GABRG3: variants seen among roughly 807,000 people sequenced by gnomAD.
GABRG3 encodes the protein gamma-aminobutyric acid type A receptor subunit gamma3.
Under a neutral mutation model 48.8 loss-of-function variants are expected in GABRG3, and 25 were observed. That is an observed-to-expected ratio of 0.51 (90% CI 0.37 to 0.72). GABRG3 has a LOEUF of 0.72. GABRG3 is among the 30% of genes least tolerant of loss of function. The pLI, the probability that GABRG3 is intolerant of heterozygous loss-of-function variation, is 0.00. For synonymous variants in GABRG3, 227 were observed against 217.6 expected, an observed-to-expected ratio of 1.04 and a Z score of -0.38; for missense variants, 394 against 577.9, an observed-to-expected ratio of 0.68 and a Z score of 3.26.
At chr15:27,387,255 T>G (rs1210569533) in intron 5 of GABRG3, among the ~76,000 whole-genome samples, 2 of 54,252 alleles carry the variant, frequency 3.7e-5, no homozygotes, top group East Asian at 1.5e-3. Flanking sequence ...TAATTCACGT[T>G]TTTTTTTTTA....
chr15:27,499,521 A>G lies in GABRG3; in HGVS notation c.712+18734A>G, dbSNP rs1401358939. The stretch of plus-strand genomic sequence containing the variant: ...AGCAGCCAACTCCCTTTTGATATAA[A>G]GCTATTGTTTTAATGGAAATGTTTA... On this transcript the variant is annotated intron_variant, in intron 6 of 9. Transcript: ENST00000615808. Among the ~76,000 whole-genome samples the G allele has an allele frequency of 2.6e-5, 4 of 152,356 alleles. No individual in the cohort carries two copies. In the East Asian group the frequency reaches 7.7e-4, roughly 29 times the overall value.
chr15:27,236,705 G>A lies in GABRG3; in HGVS notation c.271-90104G>A, dbSNP rs1490958460. Among the ~76,000 whole-genome samples the A allele has an allele frequency of 4.6e-5, 7 of 152,132 alleles. No individual in the cohort carries two copies. The East Asian group carries it at 1.4e-3, about 29-fold the overall frequency. ...AGCCTAGGGAGGATGCACAGTGAGG[G>A]TTTCTTGTCCTCTGCTTCACCGTTT... On this transcript the variant is annotated intron_variant, in intron 3 of 9. Coordinates refer to ENST00000615808, the MANE Select transcript of GABRG3 (RefSeq NM_033223.5). The surrounding 1 kb of genome is among the most constrained non-coding windows in gnomAD (Gnocchi z 4.4).
chr15:27,003,621 T>A (rs1341401943), intron 2 of GABRG3, among the ~76,000 whole-genome samples: 4 of 152,172 alleles, frequency 2.6e-5, no homozygotes, highest in Admixed American at 1.3e-4. Flanking sequence ...CATGTATACT[T>A]CTTTCTACAC....
rs1268878931 is a variant in GABRG3 at position 27,534,584 on chromosome 15, T to A, written c.*1703T>A. ...AATTTGACCTAGAAACCGTAATTTT[T>A]AAAATTATCTATTGTGCATACCATA... On this transcript the variant is annotated 3_prime_UTR_variant, in exon 10 of 10. Coordinates refer to ENST00000615808, the MANE Select transcript of GABRG3 (RefSeq NM_033223.5). 1 of 152,210 alleles carries A rather than the reference T, an allele frequency of 6.6e-6. No individual in the cohort carries two copies. The highest frequency in any genetic ancestry group is 1.5e-5 in the Non-Finnish European group (1 of 68,054). The allele number at this position is 152,210 out of a possible 1,614,324, so 9.4% of individuals were successfully genotyped here. A position where few individuals can be genotyped will look rare whatever the true frequency, so the allele number is the denominator to read the frequency against.
Position 27,537,852 on chromosome 15 carries a change from ATTTT to A in GABRG3, c.*4972_*4975del, listed in dbSNP as rs1891584665. 6.8e-6 allele frequency: 1 copy of A among 146,926 alleles called. No homozygotes were observed. The highest frequency in any genetic ancestry group is 1.5e-5 in the Non-Finnish European group (1 of 66,540). 9.1% of individuals were successfully genotyped at this position (146,926 alleles called of 1,614,324 possible). On this transcript the variant is annotated 3_prime_UTR_variant, in exon 10 of 10. Transcript: ENST00000615808. Reference sequence around the variant, plus strand: ...TATTTATTTATTTATTTATTTATTTATTTTGAGATGAAGTTTTACTCTTGTTGCC... The same window carrying A: ...TATTTATTTATTTATTTATTTATTTAGAGATGAAGTTTTACTCTTGTTGCC...
At chr15:27,204,217 T>C (rs527794332) in intron 3 of GABRG3, among the ~76,000 whole-genome samples, 21 of 152,290 alleles carry the variant, frequency 1.4e-4, no homozygotes, top group African/African-American at 5.1e-4. Flanking sequence ...CTTGAGTTGA[T>C]TTTTGTATGT....
chr15:27,009,427 T>C (rs186253386), intron 2 of GABRG3, among the ~76,000 whole-genome samples: 42 of 152,332 alleles, frequency 2.8e-4, no homozygotes, highest in Admixed American at 4.6e-4. Context: ...ATCCAATATA[T>C]ACATCCTACA....
chr15:27,101,049 T>G (rs568601558), intron 3 of GABRG3, among the ~76,000 whole-genome samples: 2 of 152,182 alleles, frequency 1.3e-5, no homozygotes, highest in African/African-American at 4.8e-5. Context: ...ATAAGCTGAT[T>G]GTCTACATGA....
intron 3 of GABRG3, among the ~76,000 whole-genome samples, chr15:27,092,167 A>T (rs1897197536): frequency 6.6e-6 from 1 of 152,006 alleles, no homozygotes; most frequent in Non-Finnish European, 1.5e-5. Context: ...CTGATGTCCC[A>T]TTCACCCCGG....
chr15:27,135,590 T>G (rs533260685), intron 3 of GABRG3, among the ~76,000 whole-genome samples: 1 of 152,222 alleles, frequency 6.6e-6, no homozygotes, highest in African/African-American at 2.4e-5. Flanking sequence ...AGCACTGACT[T>G]GAGGGTTCTT....
At chr15:27,058,368 G>T (rs1193250673) in intron 3 of GABRG3, among the ~76,000 whole-genome samples, 1 of 152,148 alleles carries the variant, frequency 6.6e-6, no homozygotes, top group Non-Finnish European at 1.5e-5. Context: ...TTTAGACGAG[G>T]GTAAAGATTT....
chr15:27,300,186 C>A lies in GABRG3; in HGVS notation c.271-26623C>A, dbSNP rs1892148180. Among the ~76,000 whole-genome samples the A allele has an allele frequency of 3.9e-5, 6 of 152,138 alleles. No homozygotes were observed. The South Asian group carries it at 1.2e-3, about 32-fold the overall frequency. On this transcript the variant is annotated intron_variant, in intron 3 of 9. Transcript: ENST00000615808. ...AAAACGAAAATATCAACATTTTCTA[C>A]AGAATTTAAGAAAAACAGTCTTATG... is the stretch of plus-strand genomic sequence containing the variant.
chr15:27,289,103 G>A (rs1891714118), intron 3 of GABRG3, among the ~76,000 whole-genome samples: 1 of 152,128 alleles, frequency 6.6e-6, no homozygotes, highest in Non-Finnish European at 1.5e-5. Context: ...GATTTTATCT[G>A]TGGTTTTCAC....
At chr15:27,249,508 G>A (rs924880760) in intron 3 of GABRG3, among the ~76,000 whole-genome samples, 9 of 152,130 alleles carry the variant, frequency 5.9e-5, no homozygotes, top group Non-Finnish European at 1.2e-4. Flanking sequence ...CAGCCAGATG[G>A]GCAGCTGCCC....
At chr15:27,062,765 G>A (rs1219679129) in intron 3 of GABRG3, among the ~76,000 whole-genome samples, 4 of 152,184 alleles carry the variant, frequency 2.6e-5, no homozygotes, top group African/African-American at 9.7e-5. Context: ...ACAAGGGCCA[G>A]GTGTAGAGAG....
At chr15:27,386,432 G>C (rs1415105236) in intron 5 of GABRG3, among the ~76,000 whole-genome samples, 1 of 152,042 alleles carries the variant, frequency 6.6e-6, no homozygotes, top group African/African-American at 2.4e-5. Context: ...TGGCTGATCA[G>C]CTTTTTCTTA....
intron 3 of GABRG3, among the ~76,000 whole-genome samples, chr15:27,237,946 G>A (rs1214690456): frequency 2.6e-5 from 4 of 152,184 alleles, no homozygotes; most frequent in Non-Finnish European, 5.9e-5. Context: ...GACTCTGCAT[G>A]CCCTCTTGAA....
intron 5 of GABRG3, among the ~76,000 whole-genome samples, chr15:27,407,226 C>G (rs1887664295): frequency 6.6e-6 from 1 of 152,036 alleles, no homozygotes; most frequent in Non-Finnish European, 1.5e-5. Flanking sequence ...GCGCTCGGCT[C>G]TAAAGCAAAT....
At position 27,080,569 on chromosome 15, in the gene GABRG3, G is replaced by A. The variant is rs560640522; in HGVS notation, c.270+53748G>A. Among the ~76,000 whole-genome samples, 34 of 152,244 alleles carry A rather than the reference G, an allele frequency of 2.2e-4. No homozygotes were observed. In the East Asian group the frequency reaches 6.6e-3, roughly 29 times the overall value. On this transcript the variant is annotated intron_variant, in intron 3 of 9. Coordinates refer to ENST00000615808, the MANE Select transcript of GABRG3 (RefSeq NM_033223.5). ...CAGGGTGGAAGGATCACTTGAGGCTGGGAGTTTGAGACCAGCCTGGGCAAC... is the reference window on the plus strand; with the variant it reads ...CAGGGTGGAAGGATCACTTGAGGCTAGGAGTTTGAGACCAGCCTGGGCAAC...
Sources: gnomAD v4.1 joint callset for allele counts (sites outside exome capture counted in the v4.1 genomes callset) on GRCh38, gnomAD v4.1.1 for gene constraint, Gnocchi (gnomAD v3.1) non-coding constraint, MANE v1.5 for transcripts, NCBI Gene and HGNC (gene_info 2026-07-23, HGNC 2026-07-21) for gene names.